Variants in RBP2 observed in about 807,000 individuals in gnomAD.
RBP2 encodes the protein retinol binding protein 2.
A neutral mutation model predicts 17.0 loss-of-function variants in RBP2; 17 were observed. That is an observed-to-expected ratio of 1.00 (90% CI 0.68 to 1.50). The LOEUF (loss-of-function observed/expected upper bound fraction) is 1.50, where lower values mean the gene tolerates loss of function less well. Among genes scored for constraint, RBP2 ranks in the 40% most tolerant of loss-of-function variants. RBP2 has a pLI of 0.00. For synonymous variants in RBP2, 48 were observed against 57.1 expected, an observed-to-expected ratio of 0.84 and a Z score of 0.72; for missense variants, 158 against 168.2, an observed-to-expected ratio of 0.94 and a Z score of 0.33.
intron 2 of RBP2, among the ~76,000 whole-genome samples, chr3:139,459,640 GAAATT>G (rs1363956552): frequency 2.2e-4 from 33 of 150,818 alleles, no homozygotes; most frequent in Non-Finnish European, 4.4e-5. Context: ...AAAAAAGAAA[GAAATT>G]AATCAGAGAA....
chr3:139,456,453 A>G (rs886307918), intron 2 of RBP2, among the ~76,000 whole-genome samples: 5 of 152,212 alleles, frequency 3.3e-5, no homozygotes, highest in Admixed American at 1.3e-4. Flanking sequence ...AAAGGACTAG[A>G]AGCTTCGTAA....
At chr3:139,472,938 T>C (rs1009952552) in intron 1 of RBP2, among the ~76,000 whole-genome samples, 18 of 152,190 alleles carry the variant, frequency 1.2e-4, no homozygotes, top group Admixed American at 6.5e-4. Flanking sequence ...GTAGAGAAGT[T>C]GAATGATTCC....
chr3:139,452,896 A>C lies in RBP2; in HGVS notation c.*220T>G. ...ACGGAGATCCATATAAAGGGTTTCA[A>C]AATATGGGAGTAATTTTTGTTTTTC... On this transcript the variant is annotated 3_prime_UTR_variant, in exon 4 of 4. Transcript: ENST00000232217. 2 of 575,430 alleles carry C rather than the reference A, an allele frequency of 3.5e-6. No individual in the cohort carries two copies. The highest frequency in any genetic ancestry group is 4.6e-5 in the South Asian group (2 of 43,400). 35.6% of individuals were successfully genotyped at this position (575,430 alleles called of 1,614,324 possible). A position where few individuals can be genotyped will look rare whatever the true frequency, so the allele number is the denominator to read the frequency against.
rs148640502 is a variant in RBP2 at position 139,471,098 on chromosome 3, C to T, written c.73+5289G>A. ...AACTATTTGTTTACTTTCTGTCTCCCCACTAGCATGTAAACTCTATGCTGG... is the reference window on the plus strand; with the variant it reads ...AACTATTTGTTTACTTTCTGTCTCCTCACTAGCATGTAAACTCTATGCTGG... On this transcript the variant is annotated intron_variant, in intron 1 of 3. Coordinates refer to ENST00000232217, the MANE Select transcript of RBP2 (RefSeq NM_004164.3). 4.1e-4 allele frequency among the ~76,000 whole-genome samples: 63 copies of T among 152,158 alleles called. 1 individual carries two copies. Among genetic ancestry groups the T allele is most frequent in the African/African-American group, 1.4e-3 (60 of 41,426 alleles).
intron 1 of RBP2, among the ~76,000 whole-genome samples, chr3:139,468,367 A>G (rs1042284121): frequency 1.3e-5 from 2 of 152,204 alleles, no homozygotes; most frequent in Non-Finnish European, 2.9e-5. Flanking sequence ...ATCACAGTTA[A>G]AAATACCTAT....
chr3:139,466,102 C>T (rs1933353324), intron 1 of RBP2, among the ~76,000 whole-genome samples: 2 of 152,176 alleles, frequency 1.3e-5, no homozygotes, highest in Non-Finnish European at 2.9e-5. Context: ...GAATTAAAAC[C>T]AAGACAAGCT....
intron 2 of RBP2, among the ~76,000 whole-genome samples, chr3:139,456,594 G>A (rs1194292786): frequency 2.6e-5 from 4 of 152,172 alleles, no homozygotes; most frequent in South Asian, 2.1e-4. Flanking sequence ...TAAAGCAGAC[G>A]GGGGTGGGTA....
intron 2 of RBP2, among the ~76,000 whole-genome samples, chr3:139,458,521 G>A (rs2107868141): frequency 6.6e-6 from 1 of 152,290 alleles, no homozygotes; most frequent in East Asian, 1.9e-4. Context: ...CAATTCGGTA[G>A]CTTTTAGTAC....
At chr3:139,463,930 C>G (rs376422583) in intron 1 of RBP2, among the ~76,000 whole-genome samples, 5 of 152,090 alleles carry the variant, frequency 3.3e-5, no homozygotes, top group African/African-American at 9.7e-5. Flanking sequence ...TTATCGAGTG[C>G]TATTTCTCTG....
chr3:139,455,522 T>C (rs1943380358), intron 2 of RBP2, among the ~76,000 whole-genome samples: 1 of 152,188 alleles, frequency 6.6e-6, no homozygotes, highest in Non-Finnish European at 1.5e-5. Flanking sequence ...CACATGGGGA[T>C]ATAAATTGGT....
chr3:139,468,190 G>A (rs972763137), intron 1 of RBP2, among the ~76,000 whole-genome samples: 4 of 152,168 alleles, frequency 2.6e-5, no homozygotes, highest in African/African-American at 4.8e-5. Flanking sequence ...CCACTCAATG[G>A]ATGTGGAAAC....
intron 2 of RBP2, among the ~76,000 whole-genome samples, chr3:139,459,621 C>T (rs1257722526): frequency 1.3e-5 from 2 of 149,134 alleles, no homozygotes; most frequent in African/African-American, 2.5e-5. Context: ...GAAACTCTGT[C>T]TCAAAAAAAA....
Position 139,462,295 on chromosome 3 carries a change from T to C in RBP2, c.74-5A>G, listed in dbSNP as rs1933216909. The C allele has an allele frequency of 6.2e-7, 1 of 1,614,004 alleles. No individual in the cohort carries two copies. The highest frequency in any genetic ancestry group is 8.5e-7 in the Non-Finnish European group (1 of 1,179,898). On this transcript the variant is annotated splice_polypyrimidine_tract_variant and splice_region_variant and intron_variant, in intron 1 of 3. Transcript: ENST00000232217. ...TGCGGGTGGCAAAATCAATATCTGT[T>C]GGCAAAGGGAGTTGTGGAGGTTATG...
chr3:139,465,147 G>T (rs1052069777), intron 1 of RBP2, among the ~76,000 whole-genome samples: 3 of 152,182 alleles, frequency 2.0e-5, no homozygotes, highest in African/African-American at 7.2e-5. Context: ...AGAAACAGTT[G>T]TTCTGAGCTT....
chr3:139,461,784 C>T (rs578137780), intron 2 of RBP2, among the ~76,000 whole-genome samples: 3 of 152,200 alleles, frequency 2.0e-5, no homozygotes, highest in South Asian at 2.1e-4. Flanking sequence ...TTCCATGTGC[C>T]CTTGCTCCCC....
chr3:139,475,863 T>G (rs1222228570), intron 1 of RBP2, among the ~76,000 whole-genome samples: 2 of 152,238 alleles, frequency 1.3e-5, no homozygotes, highest in Non-Finnish European at 2.9e-5. Flanking sequence ...AGAAGTCATA[T>G]AAGCAGTGGG....
intron 1 of RBP2, among the ~76,000 whole-genome samples, chr3:139,474,920 T>C (rs1933683105): frequency 6.6e-6 from 1 of 152,174 alleles, no homozygotes; most frequent in South Asian, 2.1e-4. Flanking sequence ...GATGGGGCTC[T>C]GGTAGGAGGA....
chr3:139,459,396 A>ATGTGTGTG (rs751257475), intron 2 of RBP2, among the ~76,000 whole-genome samples: 4 of 47,176 alleles, frequency 8.5e-5, no homozygotes, highest in Non-Finnish European at 1.8e-4. Context: ...TTTCTACTAT[A>ATGTGTGTG]TATATGTGTG....
chr3:139,458,684 C>T (rs767067567), intron 2 of RBP2, among the ~76,000 whole-genome samples: 12 of 152,120 alleles, frequency 7.9e-5, no homozygotes, highest in South Asian at 2.1e-4. Context: ...CTGTTCTGGA[C>T]GTCTCACATA....
Sources: gnomAD v4.1 joint callset for allele counts (sites outside exome capture counted in the v4.1 genomes callset) on GRCh38, gnomAD v4.1.1 for gene constraint, MANE v1.5 for transcripts, NCBI Gene and HGNC (gene_info 2026-07-23, HGNC 2026-07-21) for gene names.